The following ELMO1 variants were observed in gnomAD, a reference collection of about 807,000 sequenced individuals.
ELMO1 encodes engulfment and cell motility protein 1.
In ELMO1, 26 loss-of-function variants were observed where a neutral mutation model predicts 98.9. That is an observed-to-expected ratio of 0.26 (90% CI 0.19 to 0.36). The LOEUF is 0.36. ELMO1 is among the 10% of genes least tolerant of loss of function. The probability of loss-of-function intolerance (pLI) is 1.00; values close to 1 mark genes in which losing one functional copy is unlikely to be tolerated. For synonymous variants in ELMO1, 346 were observed against 346.0 expected, an observed-to-expected ratio of 1.00 and a Z score of 0.00; for missense variants, 627 against 935.2, an observed-to-expected ratio of 0.67 and a Z score of 4.30.
chr7:37,052,353 G>C (rs566841037), intron 15 of ELMO1, among the ~76,000 whole-genome samples: 1 of 152,292 alleles, frequency 6.6e-6, no homozygotes, highest in South Asian at 2.1e-4. Flanking sequence ...TTAAAGAACT[G>C]CTATCTCCAG....
intron 13 of ELMO1, among the ~76,000 whole-genome samples, chr7:37,150,340 C>T (rs372076495): frequency 6.7e-6 from 1 of 149,952 alleles, no homozygotes; most frequent in Non-Finnish European, 1.5e-5. Context: ...GATTAACAGA[C>T]TGAGACAAAC....
chr7:37,130,968 C>T (rs2129297575), intron 14 of ELMO1, among the ~76,000 whole-genome samples: 1 of 152,138 alleles, frequency 6.6e-6, no homozygotes, highest in East Asian at 1.9e-4. Context: ...AAAGATTGAG[C>T]CCATCTTTAT....
At chr7:37,277,541 G>C (rs1450113087) in intron 4 of ELMO1, among the ~76,000 whole-genome samples, 1 of 152,196 alleles carries the variant, frequency 6.6e-6, no homozygotes, top group African/African-American at 2.4e-5. Context: ...TTAAGAAGAG[G>C]GAAGAGCAGG....
intron 15 of ELMO1, among the ~76,000 whole-genome samples, chr7:37,027,410 C>T (rs1361081418): frequency 6.6e-6 from 1 of 152,252 alleles, no homozygotes; most frequent in East Asian, 1.9e-4. Context: ...GGGCTTAGTG[C>T]TCATCTCAGC....
intron 20 of ELMO1, among the ~76,000 whole-genome samples, chr7:36,864,922 T>G (rs932454642): frequency 5.3e-5 from 8 of 151,974 alleles, no homozygotes; most frequent in Admixed American, 2.0e-4. Flanking sequence ...CTAGGGAGAG[T>G]GGAGGCAGAG....
In ELMO1 at chr7:37,448,307, C is replaced by T. The variant is rs1408494793; in HGVS notation, c.-74+368G>A. Among the ~76,000 whole-genome samples the T allele has an allele frequency of 7.2e-5, 11 of 152,034 alleles. No homozygotes were observed. In the East Asian group the frequency reaches 1.7e-3, roughly 24 times the overall value. The stretch of plus-strand genomic sequence containing the variant: ...CCAGCGTCGCAACCCTCCCGCGCCC[C>T]CCCTCCCGCAGACCCTGGTCGAAAT... On this transcript the variant is annotated intron_variant, in intron 1 of 21. Coordinates refer to ENST00000310758, the MANE Select transcript of ELMO1 (RefSeq NM_014800.11).
chr7:37,350,800 T>C (rs1801227607), intron 1 of ELMO1, among the ~76,000 whole-genome samples: 2 of 152,176 alleles, frequency 1.3e-5, no homozygotes, highest in African/African-American at 4.8e-5. Flanking sequence ...TACAGCATGT[T>C]TGTCTATTAT....
At chr7:37,278,190 C>T (rs1327595172) in intron 4 of ELMO1, among the ~76,000 whole-genome samples, 2 of 122,836 alleles carry the variant, frequency 1.6e-5, no homozygotes, top group Admixed American at 2.1e-4. Context: ...GTGTTAACTT[C>T]ACTAGGCTAC....
intron 16 of ELMO1, among the ~76,000 whole-genome samples, chr7:36,935,185 C>T (rs904769765): frequency 4.6e-5 from 7 of 152,226 alleles, no homozygotes; most frequent in Middle Eastern, 3.4e-3. Context: ...ATAAGTCTCA[C>T]GAGATCAGAT....
chr7:37,435,054 C>T (rs1454080125), intron 1 of ELMO1: 1 of 152,216 alleles, frequency 6.6e-6, no homozygotes, highest in African/African-American at 2.4e-5. Flanking sequence ...TCACCTAGTA[C>T]ACCACATGGT....
chr7:36,861,780 C>T (rs765198246), intron 20 of ELMO1, 44 bp from the exon 21 acceptor site: 1 of 1,594,806 alleles, frequency 6.3e-7, no homozygotes, highest in Non-Finnish European at 8.6e-7. Flanking sequence ...AAAATCGGCA[C>T]ATTTCATTTT....
intron 10 of ELMO1, 149 bp from the exon 11 acceptor site, chr7:37,216,844 T>C: frequency 1.4e-6 from 1 of 736,014 alleles, no homozygotes; most frequent in East Asian, 2.8e-5. Flanking sequence ...GGCAGTAGTA[T>C]TCAAATTATT....
intron 6 of ELMO1, among the ~76,000 whole-genome samples, chr7:37,245,261 A>C (rs1375855135): frequency 2.0e-5 from 3 of 152,174 alleles, no homozygotes; most frequent in African/African-American, 7.2e-5. Context: ...CTGAGGACAC[A>C]TCAGCTATAA....
At chr7:37,068,680 C>A (rs376832667) in intron 15 of ELMO1, among the ~76,000 whole-genome samples, 2 of 152,040 alleles carry the variant, frequency 1.3e-5, no homozygotes, top group African/African-American at 4.8e-5. Context: ...TGGTTCATTA[C>A]CCAATATAAT....
At chr7:37,286,222 G>T (rs1562582671) in intron 4 of ELMO1, among the ~76,000 whole-genome samples, 1 of 152,150 alleles carries the variant, frequency 6.6e-6, no homozygotes, top group Non-Finnish European at 1.5e-5. Flanking sequence ...AAGGAACAAT[G>T]CGGCTGGAAA....
chr7:37,316,017 A>C (rs1336124571), intron 2 of ELMO1, 57 bp from the exon 3 acceptor site: 2 of 1,327,200 alleles, frequency 1.5e-6, no homozygotes, highest in Non-Finnish European at 2.1e-6. Context: ...TTTTAAATTA[A>C]AAAAAAGAAG....
At chr7:37,050,609 AACACACACACACACACACACAC>A (rs60918785) in intron 15 of ELMO1, among the ~76,000 whole-genome samples, 8 of 129,534 alleles carry the variant, frequency 6.2e-5, no homozygotes, top group South Asian at 5.4e-4. Context: ...AGGTGCTCTG[AACACACACACACACACACACAC>A]ACACACACAC....
Position 37,425,514 on chromosome 7 carries a change from A to G in ELMO1, c.-74+23161T>C, listed in dbSNP as rs77494014. ...TATCTGTGTCTTGTCCACTGGTTCA[A>G]TGCTGTACCACTAATTCCCAGCATG... On this transcript the variant is annotated intron_variant, in intron 1 of 21. Transcript: ENST00000310758. Among the ~76,000 whole-genome samples the G allele has an allele frequency of 9.7e-4, 147 of 152,262 alleles. 1 individual carries two copies. Among genetic ancestry groups the G allele is most frequent in the African/African-American group, 3.0e-3 (123 of 41,574 alleles).
At position 37,390,482 on chromosome 7, in the gene ELMO1, C is replaced by G. The variant is rs879841611; in HGVS notation, c.-73-47719G>C. ...TTTTTTTTTTCTTCTGACTCCCAGACGCACAGAGGCCCAGGGACAGAAAAA... is the reference window on the plus strand; with the variant it reads ...TTTTTTTTTTCTTCTGACTCCCAGAGGCACAGAGGCCCAGGGACAGAAAAA... On this transcript the variant is annotated intron_variant, in intron 1 of 21. Transcript: ENST00000310758. 7.9e-5 allele frequency among the ~76,000 whole-genome samples: 12 copies of G among 152,058 alleles called. 1 individual carries two copies. Among genetic ancestry groups the G allele is most frequent in the Middle Eastern group, 3.4e-3 (1 of 294 alleles).
Sources: allele counts gnomAD v4.1 joint callset (sites outside exome capture counted in the v4.1 genomes callset), GRCh38; gene constraint gnomAD v4.1.1; transcripts MANE v1.5; gene names NCBI Gene and HGNC (gene_info 2026-07-23, HGNC 2026-07-21).